Variants in AFAP1 observed in about 807,000 individuals in gnomAD.
AFAP1 encodes the protein actin filament associated protein 1.
Under a neutral mutation model 93.9 loss-of-function variants are expected in AFAP1, and 75 were observed. The ratio of observed to expected loss-of-function variants is 0.80; its 90% CI spans 0.66 to 0.97. The LOEUF (loss-of-function observed/expected upper bound fraction) is 0.97, where lower values mean the gene tolerates loss of function less well. Ranked by LOEUF, AFAP1 falls within the 50% of genes least tolerant of loss-of-function variation. The probability of loss-of-function intolerance (pLI) is 0.00; values close to 1 mark genes in which losing one functional copy is unlikely to be tolerated. For missense variants in AFAP1, 1,201 were observed against 1,050.8 expected, an observed-to-expected ratio of 1.14 and a Z score of -1.98; for synonymous variants, 517 against 430.7, an observed-to-expected ratio of 1.20 and a Z score of -2.48.
intron 7 of AFAP1, among the ~76,000 whole-genome samples, chr4:7,816,862 G>A (rs778736112): frequency 6.6e-6 from 1 of 152,140 alleles, no homozygotes; most frequent in Non-Finnish European, 1.5e-5. Context: ...TGTTCAACTC[G>A]GAATTCGAGG....
At chr4:7,865,697 T>A (rs1716316889) in intron 3 of AFAP1, among the ~76,000 whole-genome samples, 1 of 152,232 alleles carries the variant, frequency 6.6e-6, no homozygotes, top group Non-Finnish European at 1.5e-5. Context: ...TAGAAAATGC[T>A]GACTAGTCAT....
chr4:7,772,702 C>T lies in AFAP1; in HGVS notation c.2253+118G>A, dbSNP rs1560147561. ...CACATGAACTGTCTTCTGCTGGGCA[C>T]ACTAAGGGGCCACAAGCAAGCTACG... On this transcript the variant is annotated intron_variant, in intron 16 of 17. Coordinates refer to ENST00000420658, the MANE Select transcript of AFAP1 (RefSeq NM_001134647.2). 3.2e-6 allele frequency: 3 copies of T among 923,408 alleles called. No homozygotes were observed. In the South Asian group the frequency reaches 5.2e-5, roughly 16 times the overall value. 57.2% of individuals were successfully genotyped at this position (923,408 alleles called of 1,614,324 possible). A position where few individuals can be genotyped will look rare whatever the true frequency, so the allele number is the denominator to read the frequency against.
intron 12 of AFAP1, among the ~76,000 whole-genome samples, chr4:7,783,331 G>C (rs1320728788): frequency 6.6e-6 from 1 of 152,070 alleles, no homozygotes; most frequent in Non-Finnish European, 1.5e-5. Context: ...GTAGAGACAG[G>C]GTTTCACCAT....
intron 8 of AFAP1, among the ~76,000 whole-genome samples, chr4:7,812,538 G>A (rs1230775219): frequency 6.6e-6 from 1 of 152,150 alleles, no homozygotes; most frequent in Non-Finnish European, 1.5e-5. Flanking sequence ...TTGATGCTAT[G>A]TATCAAACAA....
intron 17 of AFAP1, among the ~76,000 whole-genome samples, chr4:7,768,022 G>C (rs1714856873): frequency 6.6e-6 from 1 of 152,254 alleles, no homozygotes; most frequent in Admixed American, 6.5e-5. Flanking sequence ...GCTGTGGTGA[G>C]CTGTGATGGC....
chr4:7,764,282 T>A (rs1714234639), intron 17 of AFAP1, among the ~76,000 whole-genome samples: 1 of 152,210 alleles, frequency 6.6e-6, no homozygotes, highest in Admixed American at 6.5e-5. Flanking sequence ...GGCTCACGCC[T>A]GGAATCCCAG....
chr4:7,769,396 A>G (rs553679276), intron 16 of AFAP1, among the ~76,000 whole-genome samples: 52 of 152,190 alleles, frequency 3.4e-4, no homozygotes, highest in Non-Finnish European at 6.0e-4. Context: ...TCAGCGCCCT[A>G]GAGATGCTCA....
chr4:7,809,455 A>G (rs1435255817), intron 9 of AFAP1, 159 bp downstream of exon 9: 2 of 814,466 alleles, frequency 2.5e-6, no homozygotes. Context: ...GCAAAAATGT[A>G]AACATTTAAT....
chr4:7,855,670 T>A, intron 3 of AFAP1, 96 bp from the exon 4 acceptor site: 1 of 1,024,238 alleles, frequency 9.8e-7, no homozygotes, highest in Non-Finnish European at 1.5e-6. Flanking sequence ...CTTTTCCTCT[T>A]TCCTTTGTAA....
chr4:7,785,841 G>C (rs945000242), intron 12 of AFAP1, among the ~76,000 whole-genome samples: 80 of 152,210 alleles, frequency 5.3e-4, no homozygotes, highest in Middle Eastern at 3.2e-3. Context: ...GGGAGGCTGA[G>C]GTGGGAGGAT....
At chr4:7,838,388 C>G (rs867080847) in intron 6 of AFAP1, 136 bp downstream of exon 6, 2 of 985,810 alleles carry the variant, frequency 2.0e-6, no homozygotes, top group Middle Eastern at 6.7e-4. Context: ...GAATATTTAG[C>G]TATTAAAGAC....
At chr4:7,820,482 T>C (rs980706134) in intron 6 of AFAP1, among the ~76,000 whole-genome samples, 2 of 150,600 alleles carry the variant, frequency 1.3e-5, no homozygotes, top group African/African-American at 4.9e-5. Context: ...CGTCAAGGAG[T>C]AGAGTTAAAG....
intron 9 of AFAP1, among the ~76,000 whole-genome samples, chr4:7,802,718 C>T (rs1366258795): frequency 6.7e-6 from 1 of 148,230 alleles, no homozygotes; most frequent in East Asian, 2.0e-4. Context: ...GGCGTGATCT[C>T]AGCTCACTGC....
chr4:7,824,404 T>C (rs1367927675), intron 6 of AFAP1, among the ~76,000 whole-genome samples: 2 of 145,496 alleles, frequency 1.4e-5, no homozygotes, highest in East Asian at 4.1e-4. Flanking sequence ...ACACAAAGGC[T>C]CATGTTTTCA....
At chr4:7,836,228 G>A (rs950614784) in intron 6 of AFAP1, among the ~76,000 whole-genome samples, 1 of 152,212 alleles carries the variant, frequency 6.6e-6, no homozygotes, top group East Asian at 1.9e-4. Context: ...GACCCAAGAA[G>A]CAATAAAGAG....
At chr4:7,815,114 T>C (rs1720362968) in intron 8 of AFAP1, among the ~76,000 whole-genome samples, 1 of 152,218 alleles carries the variant, frequency 6.6e-6, no homozygotes, top group South Asian at 2.1e-4. Context: ...ACACCACAGA[T>C]GAACCTTAAG....
At chr4:7,882,816 G>C (rs767788570) in intron 1 of AFAP1, among the ~76,000 whole-genome samples, 6 of 151,986 alleles carry the variant, frequency 3.9e-5, no homozygotes, top group Non-Finnish European at 8.8e-5. Flanking sequence ...CCGAGATAGA[G>C]CCACTGCACT....
chr4:7,839,662 T>G (rs28760598), intron 5 of AFAP1, among the ~76,000 whole-genome samples: 26,531 of 152,122 alleles, frequency 0.17, 2,668 homozygotes, highest in Non-Finnish European at 0.23. Context: ...ACTCTAAAGA[T>G]TTCGACTGGT....
At chr4:7,862,718 T>C (rs1184344425) in intron 3 of AFAP1, among the ~76,000 whole-genome samples, 3 of 152,176 alleles carry the variant, frequency 2.0e-5, no homozygotes, top group Non-Finnish European at 2.9e-5. Context: ...CCCTCTGCTA[T>C]CCCTTGAAAC....
Sources: gnomAD v4.1 joint callset for allele counts (sites outside exome capture counted in the v4.1 genomes callset) on GRCh38, gnomAD v4.1.1 for gene constraint, MANE v1.5 for transcripts, NCBI Gene and HGNC (gene_info 2026-07-23, HGNC 2026-07-21) for gene names.